Variants in CUL3 observed in about 807,000 individuals in gnomAD.
The protein encoded by CUL3 is cullin-3.
Under a neutral mutation model 89.1 loss-of-function variants are expected in CUL3, and 19 were observed. That is an observed-to-expected ratio of 0.21 (90% CI 0.15 to 0.31). CUL3 has a LOEUF of 0.31. CUL3 is among the 10% of genes least tolerant of loss of function. The pLI is 1.00. For missense variants in CUL3, 469 were observed against 942.3 expected (o/e 0.50, Z 6.58); for synonymous variants, 351 against 308.4 (o/e 1.14, Z -1.45).
At chr2:224,572,863 A>G (rs1695214826) in intron 1 of CUL3, among the ~76,000 whole-genome samples, 1 of 152,212 alleles carries the variant, frequency 6.6e-6, no homozygotes, top group South Asian at 2.1e-4. Flanking sequence ...CTCTCCAGAC[A>G]GCAGAACCTG....
intron 13 of CUL3, among the ~76,000 whole-genome samples, chr2:224,491,537 C>T (rs540827752): frequency 6.6e-6 from 1 of 152,196 alleles, no homozygotes; most frequent in South Asian, 2.1e-4. Context: ...CAATTTCTTC[C>T]TGATACTTAT....
At position 224,513,646 on chromosome 2, in the gene CUL3, A is replaced by G. The variant is rs777610748; in HGVS notation, c.540-8T>C. On this transcript the variant is annotated splice_polypyrimidine_tract_variant and splice_region_variant and intron_variant, in intron 4 of 15. Coordinates refer to ENST00000264414, the MANE Select transcript of CUL3 (RefSeq NM_003590.5). The stretch of plus-strand genomic sequence containing the variant: ...GCATTTCTTATTGCGCCTCTGTCGA[A>G]AAAAGTTATTATCACTTGATAATTA... 3 of 1,542,354 alleles carry G rather than the reference A, an allele frequency of 1.9e-6. No homozygotes were observed. Among genetic ancestry groups the G allele is most frequent in the Non-Finnish European group, 2.6e-6 (3 of 1,143,818 alleles).
At position 224,568,196 on chromosome 2, in the gene CUL3, G is replaced by C. The variant is rs1695092312; in HGVS notation, c.67-10340C>G. On this transcript the variant is annotated intron_variant, in intron 1 of 15. Transcript: ENST00000264414. ...AAGCAAAGTTAACAACTCCTTCTCA[G>C]TTCTTCCGTGATATTTTATAGTGTA... Among the ~76,000 whole-genome samples, 3 of 152,088 alleles carry C rather than the reference G, an allele frequency of 2.0e-5. No individual in the cohort carries two copies. In the South Asian group the frequency reaches 6.2e-4, roughly 32 times the overall value.
At chr2:224,530,823 C>T (rs1004450552) in intron 3 of CUL3, among the ~76,000 whole-genome samples, 3 of 152,172 alleles carry the variant, frequency 2.0e-5, no homozygotes, top group Non-Finnish European at 4.4e-5. Context: ...AGGAGGATCA[C>T]TTCAACCCAG....
At chr2:224,582,129 T>G (rs1384612538) in intron 1 of CUL3, among the ~76,000 whole-genome samples, 1 of 152,086 alleles carries the variant, frequency 6.6e-6, no homozygotes, top group East Asian at 1.9e-4. Flanking sequence ...CACGCCCCGC[T>G]AATTTTTTGT....
At chr2:224,568,533 T>G (rs944883679) in intron 1 of CUL3, among the ~76,000 whole-genome samples, 1 of 152,222 alleles carries the variant, frequency 6.6e-6, no homozygotes, top group Non-Finnish European at 1.5e-5. Context: ...AGGAAAACGG[T>G]TGAATGTGTT....
At chr2:224,501,712 G>T (rs1188585801) in intron 10 of CUL3, among the ~76,000 whole-genome samples, 2 of 152,128 alleles carry the variant, frequency 1.3e-5, no homozygotes, top group Non-Finnish European at 2.9e-5. Context: ...CTCTTAGATG[G>T]TGTACTGGGG....
chr2:224,549,864 A>T (rs535599508), intron 2 of CUL3, among the ~76,000 whole-genome samples: 1 of 151,200 alleles, frequency 6.6e-6, no homozygotes. Context: ...ATATGCGTGC[A>T]CACACACACA....
At chr2:224,554,152 G>A (rs1574689212) in intron 2 of CUL3, among the ~76,000 whole-genome samples, 1 of 152,036 alleles carries the variant, frequency 6.6e-6, no homozygotes, top group East Asian at 1.9e-4. Context: ...CTGCACCTGT[G>A]CCCAAGGTTT....
intron 11 of CUL3, among the ~76,000 whole-genome samples, chr2:224,499,062 C>A (rs570466853): frequency 6.6e-6 from 1 of 152,166 alleles, no homozygotes; most frequent in African/African-American, 2.4e-5. Context: ...TTTAAAAATA[C>A]GTATCTCCTG....
intron 3 of CUL3, among the ~76,000 whole-genome samples, chr2:224,529,060 T>C (rs1395551793): frequency 6.6e-6 from 1 of 152,142 alleles, no homozygotes; most frequent in African/African-American, 2.4e-5. Flanking sequence ...ATTGCTTGAG[T>C]AGTCTATGGA....
intron 2 of CUL3, among the ~76,000 whole-genome samples, chr2:224,538,981 A>G (rs1693991042): frequency 6.6e-6 from 1 of 152,076 alleles, no homozygotes; most frequent in South Asian, 2.1e-4. Flanking sequence ...AGCCTGGGCA[A>G]CACAGCAAGA....
At chr2:224,489,770 A>G (rs904140953) in intron 13 of CUL3, among the ~76,000 whole-genome samples, 2 of 152,216 alleles carry the variant, frequency 1.3e-5, no homozygotes, top group Non-Finnish European at 2.9e-5. Context: ...AAACGTAGGC[A>G]ATACCATTCA....
chr2:224,581,679 T>C lies in CUL3; in HGVS notation c.66+3265A>G, dbSNP rs1695440934. 2.0e-5 allele frequency among the ~76,000 whole-genome samples: 3 copies of C among 151,686 alleles called. No homozygotes were observed. In the South Asian group the frequency reaches 6.3e-4, roughly 32 times the overall value. ...CACCACACCTGGCAAATTTTTGTAT[T>C]TTTAGTAGAGACAGGGGTTTGCATG... is the stretch of plus-strand genomic sequence containing the variant. On this transcript the variant is annotated intron_variant, in intron 1 of 15. Coordinates refer to ENST00000264414, the MANE Select transcript of CUL3 (RefSeq NM_003590.5).
chr2:224,474,745 G>A (rs1275632115), intron 15 of CUL3, among the ~76,000 whole-genome samples: 2 of 152,064 alleles, frequency 1.3e-5, no homozygotes, highest in African/African-American at 4.8e-5. Context: ...CACAAACTCC[G>A]GACTCAGAGT....
chr2:224,582,814 T>C (rs963087322), intron 1 of CUL3, among the ~76,000 whole-genome samples: 6 of 152,218 alleles, frequency 3.9e-5, no homozygotes, highest in Non-Finnish European at 8.8e-5. Flanking sequence ...CTAGCTATAC[T>C]GACAGACCCC....
At chr2:224,490,073 T>C (rs1026669449) in intron 13 of CUL3, among the ~76,000 whole-genome samples, 11 of 152,184 alleles carry the variant, frequency 7.2e-5, no homozygotes, top group Admixed American at 2.0e-4. Context: ...AAGAAGACAT[T>C]TGTGTTGCTA....
At chr2:224,497,917 G>T in intron 11 of CUL3, 68 bp from the exon 12 acceptor site, 1 of 1,162,862 alleles carries the variant, frequency 8.6e-7, no homozygotes, top group Admixed American at 1.7e-5. Context: ...CAAACTACAG[G>T]ATAACATCCC....
rs116680832 is a variant in CUL3, at chr2:224,484,378, A to G, written c.1843-2300T>C. On this transcript the variant is annotated intron_variant, in intron 13 of 15. Transcript: ENST00000264414. Reference sequence around the variant, plus strand: ...GACCACTATGGGAAAAAATATTTTTATATTTACAGGATATCTGTAATCTTC... The same window carrying G: ...GACCACTATGGGAAAAAATATTTTTGTATTTACAGGATATCTGTAATCTTC... Among the ~76,000 whole-genome samples, 371 of 152,262 alleles carry G rather than the reference A, an allele frequency of 2.4e-3. 3 individuals carry two copies. Among genetic ancestry groups the G allele is most frequent in the African/African-American group, 8.4e-3 (347 of 41,550 alleles).
Sources: gnomAD v4.1 joint callset for allele counts (sites outside exome capture counted in the v4.1 genomes callset) on GRCh38, gnomAD v4.1.1 for gene constraint, MANE v1.5 for transcripts, NCBI Gene and HGNC (gene_info 2026-07-23, HGNC 2026-07-21) for gene names.